Variants in MBP observed in about 807,000 individuals in gnomAD.
MBP encodes Golli-MBP.
MBP carries 16 observed loss-of-function variants against 35.8 expected under a neutral mutation model. That is an observed-to-expected ratio of 0.45 (90% CI 0.30 to 0.68). The LOEUF is 0.68. Ranked by LOEUF, MBP falls within the 30% of genes least tolerant of loss-of-function variation. The probability of loss-of-function intolerance (pLI) is 0.08; values close to 1 mark genes in which losing one functional copy is unlikely to be tolerated. For missense variants in MBP, 380 were observed against 404.7 expected (o/e 0.94, Z 0.52); for synonymous variants, 143 against 159.6 (o/e 0.90, Z 0.78).
rs568541716 is a variant in MBP at position 77,100,258 on chromosome 18, C to G, written c.51+4953G>C. On this transcript the variant is annotated intron_variant, in intron 2 of 8. Transcript: ENST00000355994. ...ACAGAGAGACGACCACTGGAGGACA[C>G]AGAGAGAAGATGCTTTCTACAAGCC... Among the ~76,000 whole-genome samples the G allele has an allele frequency of 3.9e-5, 6 of 152,292 alleles. No homozygotes were observed. In the East Asian group the frequency reaches 9.6e-4, roughly 24 times the overall value.
chr18:77,032,960 GTTTAATTTT>G (rs1972596028), intron 3 of MBP, among the ~76,000 whole-genome samples: 2 of 152,094 alleles, frequency 1.3e-5, no homozygotes, highest in African/African-American at 4.8e-5. Context: ...GGCTGACTTT[GTTTAATTTT>G]TTTATTTTTA....
At chr18:77,127,958 A>T (rs997904656) in intron 1 of MBP, 1 of 152,234 alleles carries the variant, frequency 6.6e-6, no homozygotes, top group African/African-American at 2.4e-5. Context: ...TGGTGTAGCC[A>T]TTCTGGAAAA....
rs536524924 is a variant in MBP, at chr18:77,114,479, A to G, written c.-25-9193T>C. 18 of 152,380 alleles carry G rather than the reference A, an allele frequency of 1.2e-4. No individual in the cohort carries two copies. In the East Asian group the frequency reaches 3.3e-3, roughly 28 times the overall value. The allele number at this position is 152,380 out of a possible 1,614,324, so 9.4% of individuals were successfully genotyped here. On this transcript the variant is annotated intron_variant, in intron 1 of 8. Transcript: ENST00000355994. ...AGAGTAGCTCATCCACGTGTCAGTT[A>G]GATTAGCATTTGAAATTCCTTGTGA...
chr18:77,118,615 C>A (rs538737363), intron 1 of MBP, among the ~76,000 whole-genome samples: 1 of 126,664 alleles, frequency 7.9e-6, no homozygotes, highest in African/African-American at 2.7e-5. Flanking sequence ...ACAGACACCA[C>A]ACACACACAC....
intron 1 of MBP, among the ~76,000 whole-genome samples, chr18:77,125,613 G>C (rs534045706): frequency 4.3e-4 from 65 of 152,220 alleles, no homozygotes; most frequent in African/African-American, 1.5e-3. Context: ...GCAGTTTGCT[G>C]GTTTCCATTC....
intron 1 of MBP, among the ~76,000 whole-genome samples, chr18:77,116,950 C>T (rs770338938): frequency 1.4e-4 from 22 of 152,292 alleles, no homozygotes; most frequent in African/African-American, 4.6e-4. Flanking sequence ...ACCAACAGGT[C>T]GGAGCTGAGC....
At chr18:77,060,803 C>T (rs1568318823) in intron 3 of MBP, among the ~76,000 whole-genome samples, 1 of 152,148 alleles carries the variant, frequency 6.6e-6, no homozygotes. Context: ...CAATAGGAAA[C>T]CCTGTTTTCT....
At chr18:76,997,799 C>T (rs1337328781) in intron 4 of MBP, among the ~76,000 whole-genome samples, 4 of 151,358 alleles carry the variant, frequency 2.6e-5, no homozygotes, top group Admixed American at 6.6e-5. Flanking sequence ...TCTCCTGCCT[C>T]AACCTCCCGA....
intron 8 of MBP, 176 bp downstream of exon 8, chr18:76,984,599 C>A: frequency 1.3e-6 from 1 of 770,562 alleles, no homozygotes; most frequent in Non-Finnish European, 2.1e-6. Context: ...AGGAAATCCA[C>A]GCGTAAATGC....
chr18:77,012,407 T>C (rs777846306), intron 4 of MBP, among the ~76,000 whole-genome samples: 1 of 152,230 alleles, frequency 6.6e-6, no homozygotes, highest in African/African-American at 2.4e-5. Flanking sequence ...ATTTGCGGGA[T>C]GATGCTTTGA....
intron 1 of MBP, among the ~76,000 whole-genome samples, chr18:77,123,665 T>C (rs966733872): frequency 1.3e-5 from 2 of 152,118 alleles, no homozygotes; most frequent in African/African-American, 4.8e-5. Context: ...GAATTCTCAG[T>C]GTAATGTGTG....
At chr18:77,036,753 C>G (rs1972786228) in intron 3 of MBP, among the ~76,000 whole-genome samples, 1 of 138,234 alleles carries the variant, frequency 7.2e-6, no homozygotes, top group South Asian at 2.4e-4. Flanking sequence ...ATTTTGGAGA[C>G]TGAGCTGAGC....
At position 77,021,585 on chromosome 18, in the gene MBP, G is replaced by A. The variant is rs951932158; in HGVS notation, c.140-4317C>T. On this transcript the variant is annotated intron_variant, in intron 3 of 8. Transcript: ENST00000355994. ...CGCAACCTCCGCCTCCCGGGTTCAC[G>A]CCATTCTCCTGCGTCAGCCTCCCAA... Among the ~76,000 whole-genome samples, 3 of 149,564 alleles carry A rather than the reference G, an allele frequency of 2.0e-5. No homozygotes were observed. In the Admixed American group the frequency reaches 2.0e-4, roughly 10 times the overall value.
At chr18:77,077,999 C>T (rs547821022) in intron 2 of MBP, among the ~76,000 whole-genome samples, 16 of 152,322 alleles carry the variant, frequency 1.1e-4, no homozygotes, top group Non-Finnish European at 1.5e-4. Flanking sequence ...CCCCCTGCCC[C>T]GGCCTCTCCA....
At chr18:77,041,605 A>G (rs1006586104) in intron 3 of MBP, among the ~76,000 whole-genome samples, 6 of 152,312 alleles carry the variant, frequency 3.9e-5, no homozygotes, top group Admixed American at 3.9e-4. Flanking sequence ...GCCATAAAAA[A>G]TGATGAGTTC....
At chr18:77,000,506 C>T (rs112915995) in intron 4 of MBP, among the ~76,000 whole-genome samples, 1 of 152,192 alleles carries the variant, frequency 6.6e-6, no homozygotes, top group Non-Finnish European at 1.5e-5. Context: ...TTTAAAATCA[C>T]GGGAGGAAGA....
intron 2 of MBP, among the ~76,000 whole-genome samples, chr18:77,088,941 T>C (rs988910546): frequency 3.3e-5 from 5 of 152,246 alleles, no homozygotes; most frequent in Admixed American, 2.6e-4. Context: ...CCTGAGTCTA[T>C]GTGTGGACAC....
At chr18:77,057,325 G>A (rs1385934561) in intron 3 of MBP, among the ~76,000 whole-genome samples, 1 of 152,080 alleles carries the variant, frequency 6.6e-6, no homozygotes, top group African/African-American at 2.4e-5. Context: ...TGCAAGGCGG[G>A]GTCAGACAAG....
intron 1 of MBP, among the ~76,000 whole-genome samples, chr18:77,119,822 A>G (rs554105558): frequency 4.4e-4 from 67 of 152,332 alleles, no homozygotes; most frequent in African/African-American, 1.5e-3. Flanking sequence ...GAAGGGACTC[A>G]GAGAAAGTCA....
Sources: allele counts gnomAD v4.1 joint callset (sites outside exome capture counted in the v4.1 genomes callset), GRCh38; gene constraint gnomAD v4.1.1; transcripts MANE v1.5; gene names NCBI Gene and HGNC (gene_info 2026-07-23, HGNC 2026-07-21).